CNTN4: variants seen among roughly 807,000 people sequenced by gnomAD.
The protein encoded by CNTN4 is contactin 4.
A neutral mutation model predicts 122.5 loss-of-function variants in CNTN4; 77 were observed. The observed-to-expected ratio is 0.63, with a 90% CI of 0.52 to 0.76. The LOEUF (loss-of-function observed/expected upper bound fraction) is 0.76. CNTN4 is among the 30% of genes least tolerant of loss of function. CNTN4 has a pLI of 0.00. For synonymous variants in CNTN4, 512 were observed against 447.0 expected (o/e 1.15, Z -1.83); for missense variants, 1,256 against 1,259.1 (o/e 1.00, Z 0.04).
At chr3:2,406,617 A>AC (rs2047047320) in intron 3 of CNTN4, among the ~76,000 whole-genome samples, 1 of 152,006 alleles carries the variant, frequency 6.6e-6, no homozygotes, top group Non-Finnish European at 1.5e-5. Context: ...ATATAAAGTA[A>AC]TTTTTTTTAA....
chr3:2,613,406 C>T (rs1261367580), intron 4 of CNTN4, among the ~76,000 whole-genome samples: 1 of 151,778 alleles, frequency 6.6e-6, no homozygotes, highest in African/African-American at 2.4e-5. Flanking sequence ...TTCTATGATG[C>T]ACATGGCCAG....
intron 13 of CNTN4, among the ~76,000 whole-genome samples, chr3:2,981,203 G>T (rs1457177644): frequency 6.6e-6 from 1 of 152,200 alleles, no homozygotes; most frequent in African/African-American, 2.4e-5. Context: ...CCAGCACTTT[G>T]GCAGGCCGAG....
chr3:2,623,064 A>G (rs1454130181), intron 4 of CNTN4, among the ~76,000 whole-genome samples: 1 of 152,230 alleles, frequency 6.6e-6, no homozygotes, highest in Non-Finnish European at 1.5e-5. Context: ...TTGTGGGGGC[A>G]TATTTACTCT....
At chr3:2,279,970 T>G (rs759103266) in intron 2 of CNTN4, among the ~76,000 whole-genome samples, 25 of 147,264 alleles carry the variant, frequency 1.7e-4, no homozygotes, top group East Asian at 9.7e-4. Context: ...CTCTTATATA[T>G]AGAGAGAGAG....
intron 2 of CNTN4, among the ~76,000 whole-genome samples, chr3:2,104,204 T>C (rs2032234431): frequency 6.6e-6 from 1 of 151,322 alleles, no homozygotes; most frequent in South Asian, 2.1e-4. Flanking sequence ...TCCAATTTTT[T>C]CCACTTCTGT....
intron 4 of CNTN4, among the ~76,000 whole-genome samples, chr3:2,677,471 TCTATCC>T (rs2084929107): frequency 7.6e-6 from 1 of 130,968 alleles, no homozygotes; most frequent in Non-Finnish European, 1.6e-5. Flanking sequence ...TATCTATCCA[TCTATCC>T]ATCTATATCT....
At chr3:2,517,085 A>C (rs776795338) in intron 3 of CNTN4, among the ~76,000 whole-genome samples, 15 of 152,154 alleles carry the variant, frequency 9.9e-5, no homozygotes, top group Non-Finnish European at 1.9e-4. Context: ...AATATTTTGC[A>C]TAGGTATTGC....
rs549023861 is a variant in CNTN4 at position 2,368,029 on chromosome 3, CTTTT to C, written c.-89+28814_-89+28817del. On this transcript the variant is annotated intron_variant, in intron 3 of 24. Coordinates refer to ENST00000418658, the MANE Select transcript of CNTN4 (RefSeq NM_175607.3). Reference sequence around the variant, plus strand: ...TTATCCAAATACAGCTAGAAAACTTCTTTTTTTTTTTTTTTTTTTTTGAGGTGGA... The same window carrying C: ...TTATCCAAATACAGCTAGAAAACTTCTTTTTTTTTTTTTTTTTGAGGTGGA... Among the ~76,000 whole-genome samples, 584 of 109,788 alleles carry C rather than the reference CTTTT, an allele frequency of 5.3e-3. 5 individuals carry two copies. The highest frequency in any genetic ancestry group is 0.018 in the African/African-American group (480 of 26,522). 72.0% of individuals were successfully genotyped at this position (109,788 alleles called of 152,430 possible). A position where few individuals can be genotyped will look rare whatever the true frequency, so the allele number is the denominator to read the frequency against.
chr3:3,043,410 C>T (rs2125797585), intron 22 of CNTN4, among the ~76,000 whole-genome samples, 182 bp from the exon 23 acceptor site: 1 of 152,288 alleles, frequency 6.6e-6, no homozygotes, highest in Non-Finnish European at 1.5e-5. Flanking sequence ...TGTTAGGCGA[C>T]CAACTGAATC....
At chr3:2,116,040 G>T (rs915097255) in intron 2 of CNTN4, among the ~76,000 whole-genome samples, 3 of 152,158 alleles carry the variant, frequency 2.0e-5, no homozygotes. Context: ...TGCATGTAAA[G>T]CCTCTAACTT....
At chr3:2,192,587 C>T (rs887885631) in intron 2 of CNTN4, among the ~76,000 whole-genome samples, 1 of 151,674 alleles carries the variant, frequency 6.6e-6, no homozygotes, top group Admixed American at 6.6e-5. Flanking sequence ...AACAAATTTA[C>T]AAGAAAAAAA....
At chr3:2,883,001 T>C in intron 8 of CNTN4, 144 bp from the exon 9 acceptor site, 3 of 652,064 alleles carry the variant, frequency 4.6e-6, no homozygotes, top group Non-Finnish European at 8.3e-6. Flanking sequence ...TCATGACTGC[T>C]GGAGATAGGA....
At chr3:2,443,130 G>A (rs1356937647) in intron 3 of CNTN4, among the ~76,000 whole-genome samples, 4 of 146,766 alleles carry the variant, frequency 2.7e-5, no homozygotes, top group African/African-American at 5.0e-5. Flanking sequence ...CATGTACCTC[G>A]AAACCTCAAA....
At chr3:2,133,456 A>G (rs2034544177) in intron 2 of CNTN4, among the ~76,000 whole-genome samples, 1 of 152,210 alleles carries the variant, frequency 6.6e-6, no homozygotes, top group Non-Finnish European at 1.5e-5. Flanking sequence ...GTATTTTGCA[A>G]ATAGTGATAA....
intron 6 of CNTN4, among the ~76,000 whole-genome samples, chr3:2,760,125 G>A (rs1184441765): frequency 2.6e-5 from 4 of 152,000 alleles, no homozygotes; most frequent in Non-Finnish European, 5.9e-5. Flanking sequence ...CTATTTACTG[G>A]GTTGTATTTT....
intron 6 of CNTN4, among the ~76,000 whole-genome samples, chr3:2,778,713 C>T (rs574379658): frequency 3.9e-5 from 6 of 151,986 alleles, no homozygotes; most frequent in Admixed American, 6.6e-5. Context: ...ATGAAATAAC[C>T]AATTCAGTGG....
chr3:2,834,076 G>T (rs1442384281), intron 7 of CNTN4, among the ~76,000 whole-genome samples: 4 of 151,912 alleles, frequency 2.6e-5, no homozygotes, highest in African/African-American at 7.3e-5. Flanking sequence ...ATCACGGGAG[G>T]CAGAGGTTGC....
chr3:2,703,786 TA>T (rs1261681775), intron 4 of CNTN4, among the ~76,000 whole-genome samples: 3 of 152,096 alleles, frequency 2.0e-5, no homozygotes, highest in Admixed American at 6.6e-5. Context: ...AAGCCATTCT[TA>T]GGGGGAAAAA....
chr3:3,054,046 C>A (rs1481407736), intron 24 of CNTN4, 71 bp downstream of exon 24: 8 of 1,488,008 alleles, frequency 5.4e-6, no homozygotes, highest in Non-Finnish European at 4.7e-6. Flanking sequence ...TGAGTCAGGG[C>A]TTGAAAGACA....
Sources: allele counts gnomAD v4.1 joint callset (sites outside exome capture counted in the v4.1 genomes callset), GRCh38; gene constraint gnomAD v4.1.1; transcripts MANE v1.5; gene names NCBI Gene and HGNC (gene_info 2026-07-23, HGNC 2026-07-21).